Variants in PRRC2B observed in about 807,000 individuals in gnomAD.
PRRC2B encodes the protein protein PRRC2B.
Under a neutral mutation model 242.3 loss-of-function variants are expected in PRRC2B, and 68 were observed. The observed-to-expected ratio is 0.28, with a 90% CI of 0.23 to 0.34. PRRC2B has a LOEUF of 0.34. Ranked by LOEUF, PRRC2B falls within the 10% of genes least tolerant of loss-of-function variation. The probability of loss-of-function intolerance (pLI) is 1.00; values close to 1 mark genes in which losing one functional copy is unlikely to be tolerated. For synonymous variants in PRRC2B, 1,228 were observed against 1,173.6 expected (o/e 1.05, Z -0.95); for missense variants, 2,835 against 2,954.8 (o/e 0.96, Z 0.94).
chr9:131,438,578 G>GCGCAGTTTTAAAGACA lies in PRRC2B; in HGVS notation c.397-409_397-394dup, dbSNP rs1316155291. Among the ~76,000 whole-genome samples, 8 of 152,302 alleles carry GCGCAGTTTTAAAGACA rather than the reference G, an allele frequency of 5.3e-5. No homozygotes were observed. The East Asian group carries it at 1.5e-3, about 29-fold the overall frequency. ...TTGTTCACGTTCCTCATTAGCAGCT[G>GCGCAGTTTTAAAGACA]CGCAGTTTTAAAGACACATGCCGGA... On this transcript the variant is annotated intron_variant, in intron 4 of 31. Transcript: ENST00000683519.
chr9:131,399,263 T>G (rs559762370), intron 1 of PRRC2B, among the ~76,000 whole-genome samples: 154 of 76,666 alleles, frequency 2.0e-3, no homozygotes, highest in Middle Eastern at 0.013. Context: ...GGAGACAGAG[T>G]GAAATTCTGT....
At chr9:131,421,701 T>A (rs1158998110) in intron 1 of PRRC2B, among the ~76,000 whole-genome samples, 1 of 152,128 alleles carries the variant, frequency 6.6e-6, no homozygotes, top group African/African-American at 2.4e-5. Context: ...AGCCATGAAA[T>A]CTCTAGGTGC....
At position 131,494,509 on chromosome 9, in the gene PRRC2B, C is replaced by G; in HGVS notation, c.6555+23C>G. ...CAGGTAGAAGATGGCTTTCCAGACC[C>G]TTCAGCCCTGGACACTTAGGCCCGT... On this transcript the variant is annotated intron_variant, in intron 31 of 31. Coordinates refer to ENST00000683519, the MANE Select transcript of PRRC2B (RefSeq NM_013318.4). The surrounding 1 kb of genome is among the most constrained non-coding windows in gnomAD (Gnocchi z 4.3). 1 of 1,402,600 alleles carries G rather than the reference C, an allele frequency of 7.1e-7. No homozygotes were observed. Among genetic ancestry groups the G allele is most frequent in the Middle Eastern group, 1.8e-4 (1 of 5,700 alleles). The allele number at this position is 1,402,600 out of a possible 1,614,324, so 86.9% of individuals were successfully genotyped here.
chr9:131,453,585 G>T (rs917590806), intron 9 of PRRC2B, among the ~76,000 whole-genome samples: 1 of 152,110 alleles, frequency 6.6e-6, no homozygotes, highest in African/African-American at 2.4e-5. Flanking sequence ...AAGCTGGAGT[G>T]CAGTGGCACA....
intron 10 of PRRC2B, among the ~76,000 whole-genome samples, chr9:131,455,587 G>C (rs1421754616): frequency 7.0e-6 from 1 of 143,790 alleles, no homozygotes; most frequent in African/African-American, 2.6e-5. Context: ...CATGATGTCA[G>C]CTCACTAAAA....
chr9:131,393,385 C>T (rs903933238), upstream of PRRC2B, among the ~76,000 whole-genome samples: 1 of 152,134 alleles, frequency 6.6e-6, no homozygotes, highest in Non-Finnish European at 1.5e-5. Context: ...CTCCGCTCTC[C>T]CAACCTCAAA....
At chr9:131,377,809 G>C (rs1361668767) in intron 1 of PRRC2B, among the ~76,000 whole-genome samples, 1 of 152,218 alleles carries the variant, frequency 6.6e-6, no homozygotes, top group African/African-American at 2.4e-5. Flanking sequence ...AGGCTAGAGT[G>C]CAGTGGCACA....
chr9:131,471,037 G>C (rs77664147), intron 14 of PRRC2B, 54 bp downstream of exon 14: 169,840 of 1,325,228 alleles, frequency 0.13, 12,607 homozygotes, highest in East Asian at 0.35. Flanking sequence ...TAGCGTGGTG[G>C]TCAAGGGTGT....
intron 1 of PRRC2B, among the ~76,000 whole-genome samples, chr9:131,385,133 G>C (rs941038047): frequency 1.3e-5 from 2 of 150,746 alleles, no homozygotes; most frequent in African/African-American, 4.9e-5. Flanking sequence ...TCAGCCTCCC[G>C]AGTAGCTGGG....
intron 14 of PRRC2B, among the ~76,000 whole-genome samples, chr9:131,472,823 T>G (rs1191588824): frequency 6.6e-6 from 1 of 152,238 alleles, no homozygotes; most frequent in Non-Finnish European, 1.5e-5. Flanking sequence ...TGATATTTCA[T>G]GCATTCCATT....
intron 1 of PRRC2B, among the ~76,000 whole-genome samples, chr9:131,421,392 G>T (rs1157277235): frequency 6.6e-6 from 1 of 152,212 alleles, no homozygotes; most frequent in African/African-American, 2.4e-5. Context: ...TGGATTTCGT[G>T]GTGATGGTTC....
At position 131,406,110 on chromosome 9, in the gene PRRC2B, G is replaced by C. The variant is rs182900313; in HGVS notation, c.-52+11847G>C. 2.0e-3 allele frequency among the ~76,000 whole-genome samples: 297 copies of C among 152,270 alleles called. 1 individual carries two copies. The highest frequency in any genetic ancestry group is 6.8e-3 in the African/African-American group (283 of 41,564). On this transcript the variant is annotated intron_variant, in intron 1 of 31. Transcript: ENST00000683519. ...GCCCTCCCCGGGGGCCCGGGGGTTT[G>C]GAGCAGGCAGGCTTTTGTACACTTG...
At chr9:131,454,438 T>C (rs1400991151) in intron 9 of PRRC2B, among the ~76,000 whole-genome samples, 1 of 152,156 alleles carries the variant, frequency 6.6e-6, no homozygotes, top group African/African-American at 2.4e-5. Flanking sequence ...TTTAAAGATA[T>C]AATGTTCAGA....
chr9:131,459,333 T>G lies in PRRC2B; in HGVS notation c.1381T>G (p.Trp461Gly). 6.2e-7 allele frequency: 1 copy of G among 1,613,614 alleles called. No homozygotes were observed. The highest frequency in any genetic ancestry group is 8.5e-7 in the Non-Finnish European group (1 of 1,179,644). ...GCCACCGCCCAGGAAGCTTCATGGC[T>G]GGGCACCAGGCCCTGACTACCAGGT... ...PQPPPRKLHG[W>G]APGPDYQKSS... Residue 461 changes from tryptophan to glycine, a missense_variant, in exon 11 of 32, where the codon TGG becomes GGG. Physicochemically the swap from Trp to Gly is radical, Grantham distance 184 (BLOSUM62 -2). Coordinates refer to ENST00000683519, the MANE Select transcript of PRRC2B (RefSeq NM_013318.4).
In PRRC2B at chr9:131,484,959, G is replaced by A. The variant is rs751578329; in HGVS notation, c.5577G>A (p.Ala1859=). The A allele has an allele frequency of 4.5e-5, 72 of 1,611,882 alleles. No homozygotes were observed. The highest frequency in any genetic ancestry group is 3.8e-4 in the South Asian group (35 of 90,938). ...TADLTLKMES[A]RKAWENSPSL... ...CCTTGCTTCTGAAGATGGAGTCTGC[G>A]CGCAAGGCTTGGGAAAACTCCCCCA... The change falls in exon 25 of 32, where the codon GCG becomes GCA. Residue 1859 remains alanine, a synonymous_variant. Coordinates refer to ENST00000683519, the MANE Select transcript of PRRC2B (RefSeq NM_013318.4).
chr9:131,400,530 C>G (rs1293230489), intron 1 of PRRC2B, among the ~76,000 whole-genome samples: 1 of 152,106 alleles, frequency 6.6e-6, no homozygotes, highest in African/African-American at 2.4e-5. Context: ...GTTGGCCAGG[C>G]TGGTCTCGAA....
intron 10 of PRRC2B, among the ~76,000 whole-genome samples, chr9:131,456,234 T>A (rs1185885309): frequency 1.4e-5 from 2 of 144,354 alleles, no homozygotes; most frequent in East Asian, 2.0e-4. Context: ...TTTTTTTGGA[T>A]CATTTCCTTG....
Position 131,498,616 on chromosome 9 carries a change from C to T in PRRC2B, c.*2742C>T, listed in dbSNP as rs1588288441. On this transcript the variant is annotated 3_prime_UTR_variant, in exon 32 of 32. Transcript: ENST00000683519. ...TCTTATTTTGTTTTCAAACCCCCATCCTCAGAGCGCAGATACATGCAGAGG... is the reference window on the plus strand; with the variant it reads ...TCTTATTTTGTTTTCAAACCCCCATTCTCAGAGCGCAGATACATGCAGAGG... 6.6e-6 allele frequency: 1 copy of T among 152,254 alleles called. No individual in the cohort carries two copies. The highest frequency in any genetic ancestry group is 2.1e-4 in the South Asian group (1 of 4,836). The allele number at this position is 152,254 out of a possible 1,614,324, so 9.4% of individuals were successfully genotyped here.
intron 1 of PRRC2B, among the ~76,000 whole-genome samples, chr9:131,383,085 A>G (rs1353215950): frequency 1.3e-5 from 2 of 152,006 alleles, no homozygotes; most frequent in East Asian, 3.9e-4. Context: ...CTCCATCTGG[A>G]ATGTTCCTCC....
Sources: gnomAD v4.1 joint callset for allele counts (sites outside exome capture counted in the v4.1 genomes callset) on GRCh38, gnomAD v4.1.1 for gene constraint, Gnocchi (gnomAD v3.1) non-coding constraint, MANE v1.5 for transcripts, NCBI Gene and HGNC (gene_info 2026-07-23, HGNC 2026-07-21) for gene names.